The following XKR9 variants were observed in gnomAD, a reference collection of about 807,000 sequenced individuals.
XKR9 encodes the protein XK-related protein 9.
In XKR9, 32 loss-of-function variants were observed where a neutral mutation model predicts 32.0. The observed-to-expected ratio is 1.00, with a 90% CI of 0.76 to 1.34. The LOEUF (loss-of-function observed/expected upper bound fraction) is 1.34. Among genes scored for constraint, XKR9 ranks in the 40% most tolerant of loss-of-function variants. The probability of loss-of-function intolerance (pLI) is 0.00; values close to 1 mark genes in which losing one functional copy is unlikely to be tolerated. For synonymous variants in XKR9, 168 were observed against 143.4 expected (o/e 1.17, Z -1.22); for missense variants, 546 against 429.7 (o/e 1.27, Z -2.39).
the XKR9 span, among the ~76,000 whole-genome samples, chr8:70,796,341 C>T: frequency 1.0e-3 from 154 of 152,112 alleles, no homozygotes; most frequent in African/African-American, 3.6e-3. Context: ...CCCATATTAT[C>T]TAAGTTATCT....
chr8:70,729,974 A>G (rs990602825), intron 4 of XKR9, among the ~76,000 whole-genome samples: 4 of 152,206 alleles, frequency 2.6e-5, no homozygotes, highest in Admixed American at 1.3e-4. Context: ...AAGTTTGTCA[A>G]ATATCAAAGG....
At chr8:70,683,147 G>A (rs1039042327) in intron 3 of XKR9, among the ~76,000 whole-genome samples, 9 of 152,064 alleles carry the variant, frequency 5.9e-5, no homozygotes, top group South Asian at 4.2e-4. Flanking sequence ...TTGCTTTGCC[G>A]GGAGCATTGG....
At chr8:70,745,456 C>T (rs542013451) in intron 2 of XKR9, among the ~76,000 whole-genome samples, 2 of 152,262 alleles carry the variant, frequency 1.3e-5, no homozygotes, top group South Asian at 2.1e-4. Context: ...TGAATACTCT[C>T]CTCATAGACT....
intron 3 of XKR9, among the ~76,000 whole-genome samples, chr8:70,691,055 A>G (rs931242618): frequency 3.9e-5 from 6 of 152,142 alleles, no homozygotes; most frequent in Non-Finnish European, 7.4e-5. Context: ...CCTTTTCTCC[A>G]CAACCTCGCC....
chr8:70,802,220 G>A, the XKR9 span, among the ~76,000 whole-genome samples: 1 of 152,104 alleles, frequency 6.6e-6, no homozygotes, highest in Non-Finnish European at 1.5e-5. Context: ...ACAGGCGTGA[G>A]CCACCGCGCC....
intron 4 of XKR9, among the ~76,000 whole-genome samples, chr8:70,715,487 C>T (rs1840882): frequency 0.073 from 11,057 of 152,074 alleles, 485 homozygotes; most frequent in Non-Finnish European, 0.089. Flanking sequence ...GCTTCACTAT[C>T]GTATTGATAT....
intron 2 of XKR9, among the ~76,000 whole-genome samples, chr8:70,759,875 C>T (rs1807284766): frequency 6.6e-6 from 1 of 152,094 alleles, no homozygotes; most frequent in Admixed American, 6.6e-5. Context: ...CAAAGAATTG[C>T]CTATCATCAA....
the XKR9 span, among the ~76,000 whole-genome samples, chr8:70,822,830 A>G: frequency 6.6e-6 from 1 of 152,180 alleles, no homozygotes; most frequent in Admixed American, 6.5e-5. Flanking sequence ...AAAAAACTCT[A>G]AGAAAATTCA....
chr8:70,739,525 T>G (rs1245650064), downstream of XKR9, among the ~76,000 whole-genome samples: 1 of 152,188 alleles, frequency 6.6e-6, no homozygotes, highest in East Asian at 1.9e-4. Flanking sequence ...GTTAGCTGGT[T>G]ATTTTGCTCA....
the XKR9 span, among the ~76,000 whole-genome samples, chr8:70,843,002 G>A: frequency 2.0e-5 from 3 of 152,300 alleles, no homozygotes; most frequent in South Asian, 4.1e-4. Context: ...AAAATAAATA[G>A]CAGATATTTT....
At position 70,681,211 on chromosome 8, in the gene XKR9, A is replaced by T; in HGVS notation, c.153A>T (p.Gly51=). The T allele has an allele frequency of 6.2e-7, 1 of 1,613,470 alleles. No homozygotes were observed. The highest frequency in any genetic ancestry group is 8.5e-7 in the Non-Finnish European group (1 of 1,179,592). The change falls in exon 3 of 5, where the codon GGA becomes GGT. Residue 51 remains glycine, a synonymous_variant. Coordinates refer to ENST00000408926, the MANE Select transcript of XKR9 (RefSeq NM_001011720.2). ...TAGCGTTAAGCTTTATGCTTTTTGG[A>T]ACACTTGTGGCTCAGTGTTTTAGTT... ...SALALSFMLF[G]TLVAQCFSYS...
At chr8:71,002,262 G>C in the XKR9 span, among the ~76,000 whole-genome samples, 4 of 151,500 alleles carry the variant, frequency 2.6e-5, no homozygotes, top group Non-Finnish European at 2.9e-5. Context: ...TGGGGTTGAC[G>C]ATAGTCTATA....
chr8:71,016,773 CAG>C, the XKR9 span, among the ~76,000 whole-genome samples: 1 of 151,922 alleles, frequency 6.6e-6, no homozygotes, highest in African/African-American at 2.4e-5. Context: ...AACAATTAAA[CAG>C]GGAATTTGAA....
chr8:71,052,911 A>G, the XKR9 span, among the ~76,000 whole-genome samples: 1 of 152,232 alleles, frequency 6.6e-6, no homozygotes, highest in Non-Finnish European at 1.5e-5. Context: ...CAAAGGAATC[A>G]GTAACCCTGT....
At chr8:70,797,702 C>A in the XKR9 span, among the ~76,000 whole-genome samples, 5 of 152,222 alleles carry the variant, frequency 3.3e-5, no homozygotes, top group East Asian at 9.7e-4. Context: ...TCTTCACTCC[C>A]CTAACCTCCA....
At chr8:71,006,962 G>A in the XKR9 span, among the ~76,000 whole-genome samples, 1 of 152,176 alleles carries the variant, frequency 6.6e-6, no homozygotes, top group African/African-American at 2.4e-5. Flanking sequence ...AAACTTGGTT[G>A]TAGAGCCTGG....
chr8:70,681,427 CCTT>C (rs1819080151), intron 3 of XKR9, 97 bp downstream of exon 3: 3 of 1,406,042 alleles, frequency 2.1e-6, no homozygotes, highest in Non-Finnish European at 2.9e-6. Context: ...TACAAAGATC[CCTT>C]ATTTGCATGA....
the XKR9 span, among the ~76,000 whole-genome samples, chr8:70,815,270 C>T: frequency 0.11 from 16,492 of 152,022 alleles, 1,027 homozygotes; most frequent in African/African-American, 0.17. Context: ...TCACCACCAA[C>T]GTATTAAGCC....
At chr8:70,939,363 T>C in the XKR9 span, among the ~76,000 whole-genome samples, 1 of 152,124 alleles carries the variant, frequency 6.6e-6, no homozygotes, top group African/African-American at 2.4e-5. Flanking sequence ...GGATCATAGT[T>C]TGTTTTGTAC....
Sources: gnomAD v4.1 joint callset for allele counts (sites outside exome capture counted in the v4.1 genomes callset) on GRCh38, gnomAD v4.1.1 for gene constraint, MANE v1.5 for transcripts, NCBI Gene and HGNC (gene_info 2026-07-23, HGNC 2026-07-21) for gene names.